PAPPA: variants seen among roughly 807,000 people sequenced by gnomAD.
PAPPA encodes pappalysin-1.
Under a neutral mutation model 164.0 loss-of-function variants are expected in PAPPA, and 60 were observed. The observed-to-expected ratio is 0.37, with a 90% CI of 0.30 to 0.45. The LOEUF is 0.45. Ranked by LOEUF, PAPPA falls within the 20% of genes least tolerant of loss-of-function variation. The pLI, the probability that PAPPA is intolerant of heterozygous loss-of-function variation, is 1.00. For synonymous variants in PAPPA, 875 were observed against 814.1 expected (o/e 1.07, Z -1.27); for missense variants, 1,782 against 2,087.3 (o/e 0.85, Z 2.85).
At chr9:116,281,389 A>C (rs539254792) in intron 9 of PAPPA, among the ~76,000 whole-genome samples, 1 of 152,236 alleles carries the variant, frequency 6.6e-6, no homozygotes, top group South Asian at 2.1e-4. Context: ...CTGACTCCTC[A>C]TGTATTTTAC....
At chr9:116,384,602 CTTA>C (rs1397144161) in intron 21 of PAPPA, among the ~76,000 whole-genome samples, 1 of 151,678 alleles carries the variant, frequency 6.6e-6, no homozygotes, top group African/African-American at 2.4e-5. Context: ...TTTCTTTTTT[CTTA>C]TAATTTTAAC....
rs1289552927 is a variant in PAPPA, at chr9:116,398,931, C to T, written c.*2315C>T. 1 of 339,192 alleles carries T rather than the reference C, an allele frequency of 2.9e-6. No homozygotes were observed. The allele number at this position is 339,192 out of a possible 1,614,324, so 21.0% of individuals were successfully genotyped here. On this transcript the variant is annotated 3_prime_UTR_variant, in exon 22 of 22. Coordinates refer to ENST00000328252, the MANE Select transcript of PAPPA (RefSeq NM_002581.5). ...CAACTCTCCAGGCCTCTCTCTTGCC[C>T]TGAGTTATCAGCCTGTGTGGTGTTA...
At chr9:116,380,315 C>CGGAT (rs1846714443) in intron 20 of PAPPA, among the ~76,000 whole-genome samples, 1 of 126,976 alleles carries the variant, frequency 7.9e-6, no homozygotes, top group Admixed American at 8.2e-5. Flanking sequence ...GATGGATGGA[C>CGGAT]GGATGGATGG....
chr9:116,276,330 C>A (rs1284941452), intron 9 of PAPPA, among the ~76,000 whole-genome samples: 1 of 152,178 alleles, frequency 6.6e-6, no homozygotes, highest in Non-Finnish European at 1.5e-5. Context: ...AAATGTGTTA[C>A]CTTCTGAGAT....
intron 8 of PAPPA, among the ~76,000 whole-genome samples, chr9:116,268,993 G>A (rs1415310083): frequency 1.3e-5 from 2 of 152,088 alleles, no homozygotes; most frequent in African/African-American, 4.8e-5. Context: ...ACTCAGTGAG[G>A]CCCTTAATGG....
intron 9 of PAPPA, among the ~76,000 whole-genome samples, chr9:116,289,700 G>T (rs931164370): frequency 2.0e-5 from 3 of 151,998 alleles, no homozygotes; most frequent in Non-Finnish European, 4.4e-5. Flanking sequence ...ACGTTCATTC[G>T]TTCAGCAAAT....
At chr9:116,211,267 G>C (rs1844303165) in intron 3 of PAPPA, among the ~76,000 whole-genome samples, 1 of 152,212 alleles carries the variant, frequency 6.6e-6, no homozygotes, top group South Asian at 2.1e-4. Context: ...TTGGAAATAA[G>C]AGTAGGCCTT....
intron 17 of PAPPA, among the ~76,000 whole-genome samples, chr9:116,354,297 C>T (rs1406546001): frequency 6.6e-6 from 1 of 152,164 alleles, no homozygotes; most frequent in Non-Finnish European, 1.5e-5. Flanking sequence ...GTCCAACACT[C>T]CTGCCTGCCT....
intron 3 of PAPPA, among the ~76,000 whole-genome samples, chr9:116,211,356 A>C (rs1283400535): frequency 6.6e-6 from 1 of 152,228 alleles, no homozygotes; most frequent in Non-Finnish European, 1.5e-5. Context: ...CCATTGAAAT[A>C]ATTTGAAATC....
intron 9 of PAPPA, among the ~76,000 whole-genome samples, chr9:116,281,743 C>T (rs1166600449): frequency 6.6e-6 from 1 of 152,194 alleles, no homozygotes; most frequent in Non-Finnish European, 1.5e-5. Flanking sequence ...AGAATGTGGC[C>T]TCCATTCAAT....
chr9:116,216,242 A>T (rs982256770), intron 4 of PAPPA, among the ~76,000 whole-genome samples: 1 of 152,212 alleles, frequency 6.6e-6, no homozygotes, highest in African/African-American at 2.4e-5. Flanking sequence ...TTTATGAGAC[A>T]GCTAACATCT....
chr9:116,382,487 CA>C lies in PAPPA; in HGVS notation c.4775del (p.Lys1592ArgfsTer57). 1.2e-6 allele frequency: 2 copies of C among 1,609,230 alleles called. No homozygotes were observed. Among genetic ancestry groups the C allele is most frequent in the Non-Finnish European group, 1.7e-6 (2 of 1,175,666 alleles). On this transcript the variant is annotated frameshift_variant, in exon 21 of 22. Transcript: ENST00000328252. LOFTEE classifies it high-confidence loss of function. ...ATTGCTGCACCTCCACAGTGAAGACCAAAAAGGTAGGCCAGTGTGCACTCCT... is the reference window on the plus strand; with the variant it reads ...ATTGCTGCACCTCCACAGTGAAGACCAAAAGGTAGGCCAGTGTGCACTCCT... The part of the protein sequence containing the change: ...GDCCTSTVKT[K>X]KVTPFPMSCD...
At chr9:116,228,177 A>T (rs1384979341) in intron 6 of PAPPA, among the ~76,000 whole-genome samples, 1 of 152,172 alleles carries the variant, frequency 6.6e-6, no homozygotes, top group African/African-American at 2.4e-5. Context: ...GCTTTCTTAC[A>T]TCATCATTGA....
rs1846520908 is a variant in PAPPA, at chr9:116,367,731, T to G, written c.4582T>G (p.Trp1528Gly). Reference protein sequence around the residue: ...MNVTVRDIPHWLNPTRVERVV... With the variant: ...MNVTVRDIPHGLNPTRVERVV... ...CGTGACCGTGCGTGACATCCCCCAC[T>G]GGCTGAACCCCACACGGGTAGAGGT... Residue 1528 changes from tryptophan to glycine, a missense_variant, in exon 19 of 22, where the codon TGG becomes GGG. Coordinates refer to ENST00000328252, the MANE Select transcript of PAPPA (RefSeq NM_002581.5). 4.3e-6 allele frequency: 7 copies of G among 1,613,510 alleles called. No individual in the cohort carries two copies. Among genetic ancestry groups the G allele is most frequent in the African/African-American group, 1.3e-5 (1 of 74,892 alleles).
In PAPPA at chr9:116,187,100, C is replaced by T. The variant is rs554212951; in HGVS notation, c.416-54C>T. Reference sequence around the variant, plus strand: ...TTTATTAGAGAAAAATAACTTAACCCCCCCTCCTTTTCCATCCTTTATTTA... The same window carrying T: ...TTTATTAGAGAAAAATAACTTAACCTCCCCTCCTTTTCCATCCTTTATTTA... On this transcript the variant is annotated intron_variant, in intron 1 of 21. Coordinates refer to ENST00000328252, the MANE Select transcript of PAPPA (RefSeq NM_002581.5). This position sits in a 1 kb window ranked among gnomAD's most constrained non-coding sequence, Gnocchi z 4.2. 9.1e-5 allele frequency: 118 copies of T among 1,290,556 alleles called. No individual in the cohort carries two copies. In the South Asian group the frequency reaches 1.5e-3, roughly 16 times the overall value. 79.9% of individuals were successfully genotyped at this position (1,290,556 alleles called of 1,614,324 possible). A position where few individuals can be genotyped will look rare whatever the true frequency, so the allele number is the denominator to read the frequency against.
chr9:116,171,163 G>C (rs1427283283), intron 1 of PAPPA, among the ~76,000 whole-genome samples: 1 of 152,084 alleles, frequency 6.6e-6, no homozygotes, highest in Admixed American at 6.6e-5. Flanking sequence ...TTTGGGAAAG[G>C]GCAGGCTTAG....
intron 1 of PAPPA, among the ~76,000 whole-genome samples, chr9:116,160,587 G>C (rs1418596322): frequency 6.6e-6 from 1 of 152,184 alleles, no homozygotes; most frequent in Admixed American, 6.5e-5. Context: ...GAGGAGAAGA[G>C]AAAATCTCCA....
intron 18 of PAPPA, among the ~76,000 whole-genome samples, chr9:116,366,660 A>G (rs1262190540): frequency 6.6e-6 from 1 of 152,168 alleles, no homozygotes; most frequent in African/African-American, 2.4e-5. Context: ...CACAGTGCCA[A>G]GCTCTGGACA....
At chr9:116,221,487 A>G (rs1204852020) in intron 5 of PAPPA, among the ~76,000 whole-genome samples, 1 of 152,182 alleles carries the variant, frequency 6.6e-6, no homozygotes, top group African/African-American at 2.4e-5. Flanking sequence ...TACATACAGA[A>G]TCTCATTTAA....
Sources: allele counts gnomAD v4.1 joint callset (sites outside exome capture counted in the v4.1 genomes callset), GRCh38; gene constraint gnomAD v4.1.1; non-coding constraint Gnocchi (gnomAD v3.1); transcripts MANE v1.5; gene names NCBI Gene and HGNC (gene_info 2026-07-23, HGNC 2026-07-21).